Variants in GABRG3 observed in about 807,000 individuals in gnomAD.
GABRG3 encodes the protein gamma-aminobutyric acid type A receptor subunit gamma3, also known as gamma-aminobutyric acid receptor subunit gamma-3.
GABRG3 carries 25 observed loss-of-function variants against 48.8 expected under a neutral mutation model. The observed-to-expected ratio is 0.51, with a 90% CI of 0.37 to 0.72. GABRG3 has a LOEUF of 0.72. Among genes scored for constraint, GABRG3 ranks in the 30% least tolerant of loss-of-function variants. The pLI is 0.00. For missense variants in GABRG3, 394 were observed against 577.9 expected (o/e 0.68, Z 3.26); for synonymous variants, 227 against 217.6 (o/e 1.04, Z -0.38).
intron 2 of GABRG3, among the ~76,000 whole-genome samples, chr15:27,014,885 C>A (rs760923377): frequency 6.6e-6 from 1 of 152,146 alleles, no homozygotes; most frequent in Non-Finnish European, 1.5e-5. Flanking sequence ...CTACTATTAT[C>A]GTGTTGCTGT....
At chr15:27,443,051 C>G (rs1281598343) in intron 5 of GABRG3, among the ~76,000 whole-genome samples, 3 of 152,164 alleles carry the variant, frequency 2.0e-5, no homozygotes, top group Non-Finnish European at 4.4e-5. Context: ...GAAGCCCTAA[C>G]CCCCAGTACT....
chr15:27,171,220 GC>G, intron 3 of GABRG3, among the ~76,000 whole-genome samples: 1 of 152,224 alleles, frequency 6.6e-6, no homozygotes, highest in African/African-American at 2.4e-5. Flanking sequence ...AAAACATCAG[GC>G]TTGTAGAATC....
At chr15:27,395,437 T>G (rs973409701) in intron 5 of GABRG3, among the ~76,000 whole-genome samples, 1 of 152,152 alleles carries the variant, frequency 6.6e-6, no homozygotes, top group African/African-American at 2.4e-5. Context: ...TCTAAAACAA[T>G]TTTGGAAAAA....
At chr15:27,325,880 A>G (rs773746514) in intron 3 of GABRG3, among the ~76,000 whole-genome samples, 34 of 152,234 alleles carry the variant, frequency 2.2e-4, no homozygotes, top group Non-Finnish European at 4.6e-4. Flanking sequence ...AAAAATTCAG[A>G]CTCTGCAAAA....
chr15:27,500,937 T>C (rs1410206345), intron 6 of GABRG3, among the ~76,000 whole-genome samples: 1 of 146,470 alleles, frequency 6.8e-6, no homozygotes, highest in African/African-American at 2.6e-5. Flanking sequence ...CTGAGAAAAA[T>C]AGGAAGTAAC....
intron 3 of GABRG3, among the ~76,000 whole-genome samples, chr15:27,031,731 T>C (rs1157161251): frequency 6.6e-6 from 1 of 152,176 alleles, no homozygotes; most frequent in Non-Finnish European, 1.5e-5. Context: ...CTTTAAGAAG[T>C]GAAGTCAGGA....
At chr15:27,423,887 A>G (rs917530393) in intron 5 of GABRG3, among the ~76,000 whole-genome samples, 1 of 151,826 alleles carries the variant, frequency 6.6e-6, no homozygotes, top group Admixed American at 6.6e-5. Context: ...TATTTGCAAA[A>G]TAGGATTGAT....
chr15:27,099,702 A>G (rs1897323719), intron 3 of GABRG3, among the ~76,000 whole-genome samples: 1 of 125,684 alleles, frequency 8.0e-6, no homozygotes, highest in South Asian at 2.4e-4. Context: ...TATACTAAAA[A>G]CATTATGAAT....
intron 3 of GABRG3, among the ~76,000 whole-genome samples, chr15:27,091,766 C>T (rs1400433884): frequency 3.9e-5 from 6 of 152,220 alleles, no homozygotes; most frequent in Non-Finnish European, 8.8e-5. Context: ...ATCCACTCTG[C>T]TCTTTCCAGA....
At chr15:27,271,533 A>T (rs375109898) in intron 3 of GABRG3, 1 of 455,848 alleles carries the variant, frequency 2.2e-6, no homozygotes, top group Non-Finnish European at 4.4e-6. Flanking sequence ...CCTTTAGGAG[A>T]TCTCCCCAGA....
intron 2 of GABRG3, among the ~76,000 whole-genome samples, chr15:27,025,327 G>A (rs1228448363): frequency 6.6e-6 from 1 of 152,138 alleles, no homozygotes; most frequent in African/African-American, 2.4e-5. Context: ...ACACCCTTTG[G>A]TATAGCATAA....
At position 27,423,062 on chromosome 15, in the gene GABRG3, G is replaced by A. The variant is rs555727414; in HGVS notation, c.575-57588G>A. On this transcript the variant is annotated intron_variant, in intron 5 of 9. Transcript: ENST00000615808. ...CTGGGGGTCCAGGGCTTTTATAAAG[G>A]GCTGGCCACAGAGACACATCTTACT... 3.3e-5 allele frequency among the ~76,000 whole-genome samples: 5 copies of A among 149,526 alleles called. No individual in the cohort carries two copies. In the South Asian group the frequency reaches 1.0e-3, roughly 31 times the overall value.
At chr15:27,209,912 G>C (rs764837601) in intron 3 of GABRG3, among the ~76,000 whole-genome samples, 9 of 152,172 alleles carry the variant, frequency 5.9e-5, no homozygotes, top group Admixed American at 4.6e-4. Context: ...TCCTCTGCAC[G>C]TGCATCCCTG....
intron 3 of GABRG3, among the ~76,000 whole-genome samples, chr15:27,154,782 G>A (rs1898387216): frequency 6.6e-6 from 1 of 151,998 alleles, no homozygotes; most frequent in African/African-American, 2.4e-5. Flanking sequence ...AGGAATATTG[G>A]TTTATACTTT....
chr15:27,297,360 A>C (rs999973890), intron 3 of GABRG3, among the ~76,000 whole-genome samples: 2 of 152,194 alleles, frequency 1.3e-5, no homozygotes, highest in Non-Finnish European at 2.9e-5. Context: ...TGGCCTTCAC[A>C]TTCACTCAGC....
At chr15:27,379,093 G>T (rs186365007) in intron 5 of GABRG3, among the ~76,000 whole-genome samples, 2 of 152,314 alleles carry the variant, frequency 1.3e-5, no homozygotes, top group African/African-American at 4.8e-5. Context: ...TTCCAAAGAA[G>T]AATTCAATCT....
chr15:27,314,885 T>C (rs1055937089), intron 3 of GABRG3, among the ~76,000 whole-genome samples: 2 of 152,190 alleles, frequency 1.3e-5, no homozygotes, highest in Non-Finnish European at 2.9e-5. Context: ...ACAATGGTTG[T>C]TGCCAGGGGC....
intron 3 of GABRG3, among the ~76,000 whole-genome samples, chr15:27,077,136 A>G (rs1896923253): frequency 6.6e-6 from 1 of 152,172 alleles, no homozygotes; most frequent in African/African-American, 2.4e-5. Flanking sequence ...CAGTGAGGCC[A>G]AACCATGGGC....
At chr15:27,458,844 G>A (rs1889365638) in intron 5 of GABRG3, among the ~76,000 whole-genome samples, 1 of 152,228 alleles carries the variant, frequency 6.6e-6, no homozygotes, top group Non-Finnish European at 1.5e-5. Flanking sequence ...TTCTAGATGA[G>A]CTCGGGCTCC....
Sources: allele counts gnomAD v4.1 joint callset (sites outside exome capture counted in the v4.1 genomes callset), GRCh38; gene constraint gnomAD v4.1.1; transcripts MANE v1.5; gene names NCBI Gene and HGNC (gene_info 2026-07-23, HGNC 2026-07-21).